SLC67A2: variants seen among roughly 807,000 people sequenced by gnomAD.
SLC67A2 encodes the protein solute carrier family 67 member A2.
At chr2:102,732,255 T>C in the SLC67A2 span, 1 of 1,297,212 alleles carries the variant, frequency 7.7e-7, no homozygotes, top group Non-Finnish European at 1.1e-6. Context: ...ATTGAATTGT[T>C]TTCAGGTACT....
At chr2:102,715,482 G>C in the SLC67A2 span, among the ~76,000 whole-genome samples, 1 of 152,156 alleles carries the variant, frequency 6.6e-6, no homozygotes, top group Non-Finnish European at 1.5e-5. Context: ...CATCCAGCCT[G>C]AGTTTGGAGC....
the SLC67A2 span, chr2:102,726,897 A>G: frequency 5.6e-6 from 9 of 1,613,328 alleles, no homozygotes; most frequent in African/African-American, 2.7e-5. Context: ...CTGCTCCGAG[A>G]AGGAGATAGC....
At chr2:102,718,452 C>G in the SLC67A2 span, 18 of 1,614,154 alleles carry the variant, frequency 1.1e-5, no homozygotes, top group Non-Finnish European at 1.4e-5. Context: ...TTCCCATCAC[C>G]ACTAGAGTGT....
At chr2:102,718,001 C>T in the SLC67A2 span, 2 of 162,760 alleles carry the variant, frequency 1.2e-5, no homozygotes, top group African/African-American at 4.8e-5. Context: ...CAGAATTTGA[C>T]TGACATGTCA....
At chr2:102,727,012 C>T in the SLC67A2 span, 33 of 1,604,222 alleles carry the variant, frequency 2.1e-5, no homozygotes, top group African/African-American at 3.8e-4. Context: ...ACCCCATTCA[C>T]AGTAACGACT....
the SLC67A2 span, chr2:102,718,342 A>C: frequency 6.5e-7 from 1 of 1,541,084 alleles, no homozygotes; most frequent in African/African-American, 1.4e-5. Flanking sequence ...AACCCTTTCC[A>C]AAGTGCCCTT....
chr2:102,715,052 T>C, the SLC67A2 span, among the ~76,000 whole-genome samples: 8 of 152,310 alleles, frequency 5.3e-5, no homozygotes, highest in East Asian at 7.7e-4. Flanking sequence ...TCTCCTGCGA[T>C]TGCCCTGTGG....
chr2:102,736,041 G>A, the SLC67A2 span, among the ~76,000 whole-genome samples: 1 of 152,056 alleles, frequency 6.6e-6, no homozygotes, highest in Non-Finnish European at 1.5e-5. Flanking sequence ...GCCTGGTCTG[G>A]TAAAAAAGCA....
At chr2:102,727,019 G>C in the SLC67A2 span, 1 of 1,592,152 alleles carries the variant, frequency 6.3e-7, no homozygotes. Context: ...TCACAGTAAC[G>C]ACTACCACCA....
At chr2:102,714,639 T>G in the SLC67A2 span, among the ~76,000 whole-genome samples, 2 of 152,312 alleles carry the variant, frequency 1.3e-5, no homozygotes, top group East Asian at 3.9e-4. Context: ...ATTACAATTA[T>G]AAAGTTTTAT....
At chr2:102,729,697 G>A in the SLC67A2 span, among the ~76,000 whole-genome samples, 10 of 152,112 alleles carry the variant, frequency 6.6e-5, no homozygotes, top group Admixed American at 2.6e-4. Flanking sequence ...CTGAAATTAG[G>A]TAGCTTAGTC....
the SLC67A2 span, chr2:102,718,788 G>C: frequency 6.2e-7 from 1 of 1,613,826 alleles, no homozygotes; most frequent in Non-Finnish European, 8.5e-7. Flanking sequence ...TGCAGCAGCA[G>C]TGCCTGCGAG....
At chr2:102,734,761 A>G in the SLC67A2 span, among the ~76,000 whole-genome samples, 1 of 152,232 alleles carries the variant, frequency 6.6e-6, no homozygotes, top group Non-Finnish European at 1.5e-5. Flanking sequence ...TATTAAAGTT[A>G]TTAAAATTCT....
At chr2:102,735,846 G>GCGCGCA in the SLC67A2 span, among the ~76,000 whole-genome samples, 39 of 149,690 alleles carry the variant, frequency 2.6e-4, no homozygotes, top group East Asian at 1.0e-3. Context: ...ACGCGCGCGC[G>GCGCGCA]CACACACACA....
At chr2:102,735,341 T>G in the SLC67A2 span, among the ~76,000 whole-genome samples, 1 of 152,206 alleles carries the variant, frequency 6.6e-6, no homozygotes, top group Non-Finnish European at 1.5e-5. Context: ...TTCATGGTGA[T>G]CTTAACTATT....
At chr2:102,736,800 C>G in the SLC67A2 span, 67 of 1,610,188 alleles carry the variant, frequency 4.2e-5, no homozygotes, top group Non-Finnish European at 5.5e-5. Context: ...CCAGTGACCC[C>G]CAAGCTCCAT....
the SLC67A2 span, among the ~76,000 whole-genome samples, chr2:102,729,567 C>T: frequency 6.6e-6 from 1 of 152,204 alleles, no homozygotes; most frequent in Admixed American, 6.5e-5. Context: ...GCTTGACAAG[C>T]AAGTGCACTG....
At chr2:102,726,762 C>T in the SLC67A2 span, 1 of 1,516,672 alleles carries the variant, frequency 6.6e-7, no homozygotes, top group Non-Finnish European at 8.8e-7. Context: ...ACAGAGGTGG[C>T]CCAGGAGGAA....
At chr2:102,730,415 CTA>C in the SLC67A2 span, among the ~76,000 whole-genome samples, 1 of 151,678 alleles carries the variant, frequency 6.6e-6, no homozygotes, top group Non-Finnish European at 1.5e-5. Context: ...CCCCTTCTGT[CTA>C]TACACTTAAG....
Sources: gnomAD v4.1 joint callset for allele counts (sites outside exome capture counted in the v4.1 genomes callset) on GRCh38, gnomAD v4.1.1 for gene constraint, MANE v1.5 for transcripts, NCBI Gene and HGNC (gene_info 2026-07-23, HGNC 2026-07-21) for gene names.